Variants in DNAH14 observed in about 807,000 individuals in gnomAD.
The protein encoded by DNAH14 is dynein axonemal heavy chain 14, also known as axonemal beta dynein heavy chain 14.
A neutral mutation model predicts 520.9 loss-of-function variants in DNAH14; 478 were observed. The ratio of observed to expected loss-of-function variants is 0.92; its 90% CI spans 0.85 to 0.99. DNAH14 has a LOEUF of 0.99. Among genes scored for constraint, DNAH14 ranks in the 50% least tolerant of loss-of-function variants. The pLI is 0.00. For missense variants in DNAH14, 4,831 were observed against 5,234.5 expected, an observed-to-expected ratio of 0.92 and a Z score of 2.38; for synonymous variants, 1,581 against 1,757.2, an observed-to-expected ratio of 0.90 and a Z score of 2.51.
rs191098454 is a variant in DNAH14, at chr1:224,930,597, A to G, written c.-34+762A>G. On this transcript the variant is annotated intron_variant, in intron 1 of 85. Transcript: ENST00000682510. ...TATGTTACTTGCTTATGTATTTACT[A>G]TACCATACTTTTTTTTTTGAGACGG... Among the ~76,000 whole-genome samples the G allele has an allele frequency of 1.4e-4, 22 of 152,244 alleles. No individual in the cohort carries two copies. The East Asian group carries it at 3.5e-3, about 24-fold the overall frequency.
intron 17 of DNAH14, among the ~76,000 whole-genome samples, chr1:225,060,210 T>C (rs1399775675): frequency 6.6e-6 from 1 of 152,164 alleles, no homozygotes; most frequent in African/African-American, 2.4e-5. Context: ...GCTTTGTTCA[T>C]TTCTTTTTAT....
intron 40 of DNAH14, among the ~76,000 whole-genome samples, chr1:225,206,498 A>C (rs1328619026): frequency 6.6e-6 from 1 of 152,180 alleles, no homozygotes; most frequent in Non-Finnish European, 1.5e-5. Context: ...AGGCCTTTTC[A>C]TACTCACTCT....
rs760412751 is a variant in DNAH14 at position 224,952,701 on chromosome 1, A to T, written c.-2A>T. The T allele has an allele frequency of 6.3e-7, 1 of 1,579,028 alleles. No individual in the cohort carries two copies. Among genetic ancestry groups the T allele is most frequent in the Non-Finnish European group, 8.6e-7 (1 of 1,167,408 alleles). ...CCTTTATAGTTTTGTTCAGAAAAACATATGGAGACGTTTATACCCATTGAT... is the reference window on the plus strand; with the variant it reads ...CCTTTATAGTTTTGTTCAGAAAAACTTATGGAGACGTTTATACCCATTGAT... On this transcript the variant is annotated 5_prime_UTR_variant, in exon 2 of 86. Transcript: ENST00000682510.
rs189209553 is a variant in DNAH14, at chr1:225,097,417, T to G, written c.3695+178T>G. Among the ~76,000 whole-genome samples, 196 of 152,316 alleles carry G rather than the reference T, an allele frequency of 1.3e-3. 2 individuals carry two copies. The East Asian group carries it at 0.027, about 21-fold the overall frequency. On this transcript the variant is annotated intron_variant, in intron 22 of 85. Coordinates refer to ENST00000682510, the MANE Select transcript of DNAH14 (RefSeq NM_001367479.1). ...TTCATAAAAGATTATGAACATCATT[T>G]TTGTAAGCCTTATTACTTGACTATT...
At chr1:225,229,277 G>A (rs963016253) in intron 41 of DNAH14, among the ~76,000 whole-genome samples, 3 of 152,174 alleles carry the variant, frequency 2.0e-5, no homozygotes, top group African/African-American at 2.4e-5. Flanking sequence ...CAGCAATGCT[G>A]GAGAGGATGT....
chr1:225,119,108 C>T (rs2077098903), intron 25 of DNAH14, 112 bp from the exon 26 acceptor site: 1 of 683,822 alleles, frequency 1.5e-6, no homozygotes, highest in Admixed American at 3.7e-5. Context: ...AGTCCTTTGG[C>T]CCATGAATAT....
intron 11 of DNAH14, among the ~76,000 whole-genome samples, chr1:225,032,705 A>G (rs1273021069): frequency 2.0e-5 from 3 of 152,164 alleles, no homozygotes; most frequent in Non-Finnish European, 2.9e-5. Context: ...CCAGCAGTGT[A>G]TAAGGGTTCC....
chr1:224,942,772 T>C (rs1222317706), intron 1 of DNAH14, among the ~76,000 whole-genome samples: 2 of 152,240 alleles, frequency 1.3e-5, no homozygotes, highest in African/African-American at 4.8e-5. Flanking sequence ...CATGTGGTTT[T>C]TGTCTTTGGT....
chr1:224,945,970 C>G lies in DNAH14; in HGVS notation c.-33-6700C>G, dbSNP rs367756462. Among the ~76,000 whole-genome samples the G allele has an allele frequency of 6.6e-5, 10 of 152,406 alleles. No homozygotes were observed. The East Asian group carries it at 1.5e-3, about 24-fold the overall frequency. On this transcript the variant is annotated intron_variant, in intron 1 of 85. Transcript: ENST00000682510. ...CTTGAGGAGGCAGTCTGTCCGTTCT[C>G]AAATCTCCAGCTGCATGCTGGGAGA... is the stretch of plus-strand genomic sequence containing the variant.
intron 67 of DNAH14, 44 bp from the exon 68 acceptor site, chr1:225,338,017 G>A: frequency 5.5e-6 from 8 of 1,461,660 alleles, no homozygotes; most frequent in Non-Finnish European, 5.4e-6. Context: ...CAACCAATTT[G>A]TTTTAAGATG....
intron 36 of DNAH14, among the ~76,000 whole-genome samples, chr1:225,183,022 A>G (rs930938175): frequency 1.3e-5 from 2 of 151,772 alleles, no homozygotes; most frequent in Non-Finnish European, 2.9e-5. Context: ...AGCCCATGTC[A>G]CTCTTTTCCC....
chr1:225,068,277 T>C (rs939463420), intron 17 of DNAH14, among the ~76,000 whole-genome samples: 1 of 152,186 alleles, frequency 6.6e-6, no homozygotes, highest in Non-Finnish European at 1.5e-5. Flanking sequence ...GTCCTATTTC[T>C]GGGCTTTCTG....
At chr1:225,300,750 AT>A in intron 55 of DNAH14, 118 bp from the exon 56 acceptor site, 1 of 1,087,978 alleles carries the variant, frequency 9.2e-7, no homozygotes, top group Non-Finnish European at 1.3e-6. Context: ...AAAAAAAAAA[AT>A]CACTTAGCCT....
In DNAH14 at chr1:225,259,184, G is replaced by A. The variant is rs187694467; in HGVS notation, c.7088G>A (p.Gly2363Glu). 3.9e-6 allele frequency: 6 copies of A among 1,545,876 alleles called. No individual in the cohort carries two copies. Among genetic ancestry groups the A allele is most frequent in the East Asian group, 2.5e-5 (1 of 40,614 alleles). Residue 2363 changes from glycine to glutamate, a missense_variant, in exon 46 of 86, where the codon GGA becomes GAA. Transcript: ENST00000682510. ...ATGCTTGAAAAGCTAGAGGGTCCAG[G>A]AGCATTTGACATAAAACATGGTTCA... is the stretch of plus-strand genomic sequence containing the variant. The part of the protein sequence containing the change: ...NQMLEKLEGP[G>E]AFDIKHGSIL...
chr1:225,086,708 T>C (rs1332293734), intron 21 of DNAH14, among the ~76,000 whole-genome samples: 3 of 151,488 alleles, frequency 2.0e-5, no homozygotes, highest in Non-Finnish European at 4.4e-5. Flanking sequence ...TTTAATCACA[T>C]GCAGTACAAA....
rs2095792284 is a variant in DNAH14 at position 225,382,257 on chromosome 1, A to T, written c.13077+678A>T. On this transcript the variant is annotated intron_variant, in intron 81 of 85. Transcript: ENST00000682510. ...AAAGAATTAAAAATACATAAAAACA[A>T]GCATTGGGAGAAATTGGAACCCAAA... 2.0e-5 allele frequency among the ~76,000 whole-genome samples: 3 copies of T among 152,214 alleles called. No homozygotes were observed. In the South Asian group the frequency reaches 6.2e-4, roughly 31 times the overall value.
At chr1:225,316,611 C>T (rs954859315) in intron 60 of DNAH14, among the ~76,000 whole-genome samples, 1 of 152,174 alleles carries the variant, frequency 6.6e-6, no homozygotes, top group African/African-American at 2.4e-5. Flanking sequence ...GGAGGGAGTT[C>T]CCTGACCCCT....
intron 52 of DNAH14, among the ~76,000 whole-genome samples, chr1:225,274,650 G>C (rs1296914344): frequency 6.6e-6 from 1 of 152,160 alleles, no homozygotes; most frequent in East Asian, 1.9e-4. Flanking sequence ...ATTCAGTTTT[G>C]AGACTTAACC....
chr1:225,398,056 A>G (rs1213250507), intron 84 of DNAH14: 1 of 151,878 alleles, frequency 6.6e-6, no homozygotes, highest in African/African-American at 2.4e-5. Context: ...CAAAAAAAAA[A>G]AAAAAAAAAA....
Sources: allele counts gnomAD v4.1 joint callset (sites outside exome capture counted in the v4.1 genomes callset), GRCh38; gene constraint gnomAD v4.1.1; transcripts MANE v1.5; gene names NCBI Gene and HGNC (gene_info 2026-07-23, HGNC 2026-07-21).